MAGI2: variants seen among roughly 807,000 people sequenced by gnomAD.
MAGI2 encodes membrane-associated guanylate kinase, WW and PDZ domain-containing protein 2.
In MAGI2, 35 loss-of-function variants were observed where a neutral mutation model predicts 133.3. That is an observed-to-expected ratio of 0.26 (90% CI 0.20 to 0.35). The LOEUF is 0.35. MAGI2 is among the 10% of genes least tolerant of loss of function. The probability of loss-of-function intolerance (pLI) is 1.00; values close to 1 mark genes in which losing one functional copy is unlikely to be tolerated. For missense variants in MAGI2, 1,636 were observed against 1,863.4 expected (o/e 0.88, Z 2.25); for synonymous variants, 729 against 710.6 (o/e 1.03, Z -0.41).
At chr7:78,532,154 A>G (rs753728328) in intron 3 of MAGI2, among the ~76,000 whole-genome samples, 2 of 152,198 alleles carry the variant, frequency 1.3e-5, no homozygotes, top group African/African-American at 2.4e-5. Flanking sequence ...GTGAAAATAC[A>G]GAATTAGGAC....
intron 10 of MAGI2, among the ~76,000 whole-genome samples, chr7:78,203,764 A>G (rs1180381554): frequency 1.3e-5 from 2 of 152,240 alleles, no homozygotes; most frequent in Admixed American, 1.3e-4. Flanking sequence ...CAAATTATTA[A>G]TCATGTTACA....
intron 21 of MAGI2, among the ~76,000 whole-genome samples, chr7:78,040,177 G>A (rs3807783): frequency 0.18 from 28,091 of 152,232 alleles, 3,417 homozygotes; most frequent in African/African-American, 0.34. Context: ...TGTGCTCTTG[G>A]GGCGCCCCTC....
At chr7:78,392,329 G>A (rs936909347) in intron 6 of MAGI2, among the ~76,000 whole-genome samples, 4 of 152,150 alleles carry the variant, frequency 2.6e-5, no homozygotes, top group African/African-American at 7.2e-5. Context: ...AGTGGGGGCT[G>A]TTAGGGGAAA....
At chr7:79,154,978 G>A (rs759970938) in intron 1 of MAGI2, among the ~76,000 whole-genome samples, 7 of 152,102 alleles carry the variant, frequency 4.6e-5, no homozygotes, top group Non-Finnish European at 8.8e-5. Flanking sequence ...TTTTCCTTAC[G>A]TTTGTTCCAC....
chr7:78,230,037 C>T (rs887885321), intron 10 of MAGI2, among the ~76,000 whole-genome samples: 3 of 152,334 alleles, frequency 2.0e-5, no homozygotes, highest in African/African-American at 7.2e-5. Context: ...TTTGAATCGA[C>T]ACATTGTCCT....
chr7:78,032,985 A>T lies in MAGI2; in HGVS notation c.3707-13009T>A, dbSNP rs527335414. The stretch of plus-strand genomic sequence containing the variant: ...TTCCAAGTGTGATGGAAGCCACTGG[A>T]TGGTTTCAAGCAGAGAAATGGTATT... On this transcript the variant is annotated intron_variant, in intron 21 of 21. Transcript: ENST00000354212. Among the ~76,000 whole-genome samples, 13 of 152,194 alleles carry T rather than the reference A, an allele frequency of 8.5e-5. No individual in the cohort carries two copies. The East Asian group carries it at 2.3e-3, about 27-fold the overall frequency.
intron 1 of MAGI2, among the ~76,000 whole-genome samples, chr7:79,354,941 T>C (rs1841925549): frequency 6.6e-6 from 1 of 152,106 alleles, no homozygotes; most frequent in African/African-American, 2.4e-5. Flanking sequence ...TAAGCCCCCT[T>C]CTCCTACCTC....
intron 3 of MAGI2, among the ~76,000 whole-genome samples, chr7:78,598,827 T>C (rs1420685019): frequency 1.3e-5 from 2 of 152,170 alleles, no homozygotes. Context: ...AACATGTTTC[T>C]GGCTTGAGAA....
At chr7:78,594,570 G>A (rs1273965938) in intron 3 of MAGI2, among the ~76,000 whole-genome samples, 2 of 152,098 alleles carry the variant, frequency 1.3e-5, no homozygotes, top group Admixed American at 6.5e-5. Flanking sequence ...TGATTCTCCT[G>A]CCTCAGCCTC....
chr7:78,055,588 C>T (rs900347309), intron 21 of MAGI2, among the ~76,000 whole-genome samples: 3 of 152,170 alleles, frequency 2.0e-5, no homozygotes, highest in African/African-American at 7.2e-5. Flanking sequence ...ACCGACACCT[C>T]CCAGACCCTG....
At chr7:78,803,583 G>A (rs1050351710) in intron 2 of MAGI2, among the ~76,000 whole-genome samples, 3 of 152,018 alleles carry the variant, frequency 2.0e-5, no homozygotes, top group East Asian at 1.9e-4. Flanking sequence ...CTGATTTCCT[G>A]TTTGGAGTCT....
intron 1 of MAGI2, among the ~76,000 whole-genome samples, chr7:79,239,321 GT>G (rs1267815515): frequency 1.3e-5 from 2 of 151,884 alleles, no homozygotes; most frequent in African/African-American, 4.8e-5. Context: ...TTCAAATTTT[GT>G]TTCTAAGACT....
intron 2 of MAGI2, among the ~76,000 whole-genome samples, chr7:78,931,570 A>G (rs1800127004): frequency 6.6e-6 from 1 of 151,652 alleles, no homozygotes; most frequent in Non-Finnish European, 1.5e-5. Context: ...AGAGTAAATA[A>G]GAAATAAAAT....
Position 78,020,197 on chromosome 7 carries a change from C to T in MAGI2, c.3707-221G>A, listed in dbSNP as rs71537514. The stretch of plus-strand genomic sequence containing the variant: ...CCCCGCTTAGCCCCCACGCCCCGAA[C>T]CTCGTCCGTGGACCGGGGAGGCCAA... On this transcript the variant is annotated intron_variant, in intron 21 of 21. Coordinates refer to ENST00000354212, the MANE Select transcript of MAGI2 (RefSeq NM_012301.4). Among the ~76,000 whole-genome samples, 17,951 of 151,874 alleles carry T rather than the reference C, an allele frequency of 0.12. 1,302 individuals carry two copies. Among genetic ancestry groups the T allele is most frequent in the East Asian group, 0.16 (834 of 5,072 alleles).
chr7:78,909,925 T>C (rs768957701), intron 2 of MAGI2, among the ~76,000 whole-genome samples: 1 of 152,106 alleles, frequency 6.6e-6, no homozygotes, highest in Non-Finnish European at 1.5e-5. Context: ...GAAAATGTGG[T>C]ACATAGAGAC....
chr7:79,234,956 G>A (rs970300046), intron 1 of MAGI2, among the ~76,000 whole-genome samples: 20 of 152,056 alleles, frequency 1.3e-4, no homozygotes, highest in African/African-American at 4.4e-4. Flanking sequence ...TGATGGTGAT[G>A]TACAGATGGG....
chr7:79,387,094 T>TG (rs1844236781), intron 1 of MAGI2, among the ~76,000 whole-genome samples: 5 of 141,506 alleles, frequency 3.5e-5, no homozygotes, highest in African/African-American at 1.3e-4. Flanking sequence ...ATTTTTATGC[T>TG]TGTGTGTGTG....
chr7:79,179,763 C>T (rs2129550244), intron 1 of MAGI2, among the ~76,000 whole-genome samples: 1 of 151,950 alleles, frequency 6.6e-6, no homozygotes, highest in Non-Finnish European at 1.5e-5. Flanking sequence ...TGACCATATA[C>T]AACAATCAAC....
chr7:78,636,893 A>T (rs161285), intron 2 of MAGI2, among the ~76,000 whole-genome samples: 54,256 of 152,066 alleles, frequency 0.36, 10,197 homozygotes, highest in East Asian at 0.69. Context: ...AAGCACAGAT[A>T]GCTGGTTCTC....
Sources: gnomAD v4.1 joint callset for allele counts (sites outside exome capture counted in the v4.1 genomes callset) on GRCh38, gnomAD v4.1.1 for gene constraint, MANE v1.5 for transcripts, NCBI Gene and HGNC (gene_info 2026-07-23, HGNC 2026-07-21) for gene names.